The following SMAD9 variants were observed in gnomAD, a reference collection of about 807,000 sequenced individuals.
The protein encoded by SMAD9 is SMAD family member 9.
SMAD9 carries 36 observed loss-of-function variants against 46.1 expected under a neutral mutation model. The ratio of observed to expected loss-of-function variants is 0.78; its 90% CI spans 0.60 to 1.03. SMAD9 has a LOEUF of 1.03. Ranked by LOEUF, SMAD9 falls within the 50% of genes least tolerant of loss-of-function variation. The pLI, the probability that SMAD9 is intolerant of heterozygous loss-of-function variation, is 0.00. For synonymous variants in SMAD9, 245 were observed against 237.1 expected, an observed-to-expected ratio of 1.03 and a Z score of -0.31; for missense variants, 572 against 599.8, an observed-to-expected ratio of 0.95 and a Z score of 0.48.
chr13:36,860,360 T>G (rs1172634115), intron 5 of SMAD9, among the ~76,000 whole-genome samples: 1 of 152,148 alleles, frequency 6.6e-6, no homozygotes, highest in African/African-American at 2.4e-5. Context: ...ATAATTATTT[T>G]CAGGATACGC....
At chr13:36,895,644 A>C (rs944796099) in intron 1 of SMAD9, among the ~76,000 whole-genome samples, 3 of 152,242 alleles carry the variant, frequency 2.0e-5, no homozygotes, top group Admixed American at 2.0e-4. Context: ...ATTAAGCAGA[A>C]TTTCAGAGAA....
intron 1 of SMAD9, among the ~76,000 whole-genome samples, chr13:36,883,607 T>G (rs1025312461): frequency 6.6e-6 from 1 of 151,990 alleles, no homozygotes; most frequent in Non-Finnish European, 1.5e-5. Context: ...AAAAGTTAAT[T>G]GGGCGTGGTG....
chr13:36,866,872 T>C (rs185106860), intron 4 of SMAD9, among the ~76,000 whole-genome samples: 2 of 152,276 alleles, frequency 1.3e-5, no homozygotes, highest in East Asian at 1.9e-4. Context: ...AAGATGCAAA[T>C]AAAATTTTGT....
rs889771778 is a variant in SMAD9, at chr13:36,885,253, C to G, written c.-186-5378G>C. Reference sequence around the variant, plus strand: ...TTTACTTTATAATAACTTATTTATACTTTACACACAAGTATAAAACTATGT... The same window carrying G: ...TTTACTTTATAATAACTTATTTATAGTTTACACACAAGTATAAAACTATGT... On this transcript the variant is annotated intron_variant, in intron 1 of 6. Coordinates refer to ENST00000379826, the MANE Select transcript of SMAD9 (RefSeq NM_001127217.3). Among the ~76,000 whole-genome samples, 5 of 152,128 alleles carry G rather than the reference C, an allele frequency of 3.3e-5. No individual in the cohort carries two copies. In the East Asian group the frequency reaches 9.6e-4, roughly 29 times the overall value.
intron 5 of SMAD9, among the ~76,000 whole-genome samples, chr13:36,864,572 T>C (rs1388639554): frequency 6.6e-6 from 1 of 152,212 alleles, no homozygotes; most frequent in South Asian, 2.1e-4. Context: ...TTCTCGTAAG[T>C]GGCCTCAAAG....
intron 1 of SMAD9, among the ~76,000 whole-genome samples, chr13:36,905,605 G>A (rs73535782): frequency 0.027 from 4,017 of 151,010 alleles, 178 homozygotes; most frequent in African/African-American, 0.092. Context: ...AAACAAAAAC[G>A]AAAAACAAAA....
intron 1 of SMAD9, among the ~76,000 whole-genome samples, chr13:36,915,714 CATA>C (rs2058693664): frequency 1.3e-5 from 2 of 152,126 alleles, no homozygotes; most frequent in Non-Finnish European, 2.9e-5. Context: ...GGGGAAGAAC[CATA>C]ATCTCTTCAG....
chr13:36,874,430 C>T (rs890656523), intron 2 of SMAD9, among the ~76,000 whole-genome samples: 2 of 152,196 alleles, frequency 1.3e-5, no homozygotes, highest in African/African-American at 4.8e-5. Context: ...AGACCAATGC[C>T]CTTCTGAGGA....
intron 1 of SMAD9, among the ~76,000 whole-genome samples, chr13:36,901,392 A>G (rs953562321): frequency 2.7e-5 from 4 of 150,652 alleles, no homozygotes; most frequent in Non-Finnish European, 5.9e-5. Flanking sequence ...ATGTAGTGAT[A>G]TATCACTGTG....
chr13:36,905,773 TC>T, intron 1 of SMAD9, among the ~76,000 whole-genome samples: 1 of 15,152 alleles, frequency 6.6e-5, no homozygotes, highest in Admixed American at 1.3e-3. Context: ...AGACCCTGTC[TC>T]AAAAAAAAAA....
intron 3 of SMAD9, among the ~76,000 whole-genome samples, chr13:36,869,616 T>G (rs2138412689): frequency 6.6e-6 from 1 of 152,168 alleles, no homozygotes; most frequent in South Asian, 2.1e-4. Flanking sequence ...GTGGATCACC[T>G]GAGGTCAGGA....
At chr13:36,910,760 C>A (rs2058655085) in intron 1 of SMAD9, among the ~76,000 whole-genome samples, 1 of 152,176 alleles carries the variant, frequency 6.6e-6, no homozygotes, top group African/African-American at 2.4e-5. Flanking sequence ...GATCAGCTCT[C>A]TGCTGCTCCT....
intron 1 of SMAD9, among the ~76,000 whole-genome samples, chr13:36,880,256 T>G (rs995992954): frequency 6.6e-6 from 1 of 152,066 alleles, no homozygotes; most frequent in Non-Finnish European, 1.5e-5. Flanking sequence ...AAGTAGCATC[T>G]CTCTTTCTCT....
rs769884017 is a variant in SMAD9, at chr13:36,895,558, C to T, written c.-186-15683G>A. On this transcript the variant is annotated intron_variant, in intron 1 of 6. Transcript: ENST00000379826. ...ATCTCCTGTCACCCTCTGTAGAGAA[C>T]CACTGATATAGCATAAATCCTGATT... is the stretch of plus-strand genomic sequence containing the variant. Among the ~76,000 whole-genome samples, 121 of 152,148 alleles carry T rather than the reference C, an allele frequency of 8.0e-4. 1 individual carries two copies. The highest frequency in any genetic ancestry group is 1.3e-3 in the Non-Finnish European group (90 of 68,024).
intron 1 of SMAD9, among the ~76,000 whole-genome samples, chr13:36,896,665 C>CA (rs138844048): frequency 8.0e-5 from 12 of 150,730 alleles, no homozygotes; most frequent in African/African-American, 2.2e-4. Context: ...AAAAACAAGC[C>CA]AAAAAAAATA....
chr13:36,913,990 T>C (rs2058680147), intron 1 of SMAD9, among the ~76,000 whole-genome samples: 1 of 152,186 alleles, frequency 6.6e-6, no homozygotes, highest in Non-Finnish European at 1.5e-5. Context: ...TGCATAGTTA[T>C]TTGGAAACTG....
chr13:36,895,935 G>A (rs1358218142), intron 1 of SMAD9, among the ~76,000 whole-genome samples: 1 of 152,152 alleles, frequency 6.6e-6, no homozygotes, highest in Non-Finnish European at 1.5e-5. Flanking sequence ...TATTGTCACA[G>A]AAAGAGAAGA....
intron 1 of SMAD9, among the ~76,000 whole-genome samples, chr13:36,883,560 G>A (rs551806162): frequency 1.2e-4 from 19 of 152,294 alleles, no homozygotes; most frequent in African/African-American, 3.4e-4. Flanking sequence ...AGACCAGCCT[G>A]GACAACATGG....
chr13:36,853,217 A>G (rs111763742), intron 6 of SMAD9, among the ~76,000 whole-genome samples: 3 of 152,160 alleles, frequency 2.0e-5, no homozygotes, highest in African/African-American at 7.2e-5. Flanking sequence ...CCCGGGAGGC[A>G]GAGGTTGCAG....
Sources: allele counts gnomAD v4.1 joint callset (sites outside exome capture counted in the v4.1 genomes callset), GRCh38; gene constraint gnomAD v4.1.1; transcripts MANE v1.5; gene names NCBI Gene and HGNC (gene_info 2026-07-23, HGNC 2026-07-21).